GALNTL6: variants seen among roughly 807,000 people sequenced by gnomAD.
The protein encoded by GALNTL6 is polypeptide N-acetylgalactosaminyltransferase-like 6.
GALNTL6 carries 46 observed loss-of-function variants against 73.7 expected under a neutral mutation model. The observed-to-expected ratio is 0.62, with a 90% CI of 0.49 to 0.80. GALNTL6 has a LOEUF of 0.80. GALNTL6 is among the 30% of genes least tolerant of loss of function. The pLI is 0.00. For missense variants in GALNTL6, 604 were observed against 755.0 expected (o/e 0.80, Z 2.34); for synonymous variants, 259 against 263.7 (o/e 0.98, Z 0.17).
intron 7 of GALNTL6, among the ~76,000 whole-genome samples, chr4:172,847,555 T>G (rs1443152117): frequency 2.0e-5 from 3 of 152,102 alleles, no homozygotes; most frequent in Admixed American, 2.0e-4. Flanking sequence ...TTAATCCTAC[T>G]TTTTCTGTTT....
At chr4:172,584,382 A>G (rs1737321693) in intron 5 of GALNTL6, among the ~76,000 whole-genome samples, 1 of 152,194 alleles carries the variant, frequency 6.6e-6, no homozygotes, top group Non-Finnish European at 1.5e-5. Flanking sequence ...TTTATTTAAA[A>G]ACAAAACAAA....
intron 5 of GALNTL6, among the ~76,000 whole-genome samples, chr4:172,656,873 G>A (rs1353019821): frequency 2.0e-5 from 3 of 152,204 alleles, no homozygotes; most frequent in Non-Finnish European, 2.9e-5. Flanking sequence ...TGAATTGCTT[G>A]TAGGAGCAGA....
At chr4:171,986,994 T>TGAGGAACAGGAAAGAAG (rs1740116212) in intron 2 of GALNTL6, among the ~76,000 whole-genome samples, 1 of 151,542 alleles carries the variant, frequency 6.6e-6, no homozygotes, top group Non-Finnish European at 1.5e-5. Flanking sequence ...TTGAGAACGG[T>TGAGGAACAGGAAAGAAG]GAATAGGCGT....
chr4:172,578,077 G>A (rs1737027919), intron 5 of GALNTL6, among the ~76,000 whole-genome samples: 6 of 152,102 alleles, frequency 3.9e-5, no homozygotes, highest in Admixed American at 3.9e-4. Context: ...TTCCAGAAGA[G>A]ACTCATATTG....
intron 2 of GALNTL6, among the ~76,000 whole-genome samples, chr4:172,087,362 G>A (rs1446219182): frequency 6.6e-6 from 1 of 150,568 alleles, no homozygotes; most frequent in South Asian, 2.1e-4. Context: ...GGAGAATGGC[G>A]TGAACCCGGG....
rs796625697 is a variant in GALNTL6, at chr4:172,206,814, G to GTT, written c.139-22840_139-22839dup. Among the ~76,000 whole-genome samples the GTT allele has an allele frequency of 2.9e-4, 17 of 57,992 alleles. 2 individuals are homozygous for GTT. The highest frequency in any genetic ancestry group is 7.9e-4 in the African/African-American group (16 of 20,168). 38.0% of individuals were successfully genotyped at this position (57,992 alleles called of 152,430 possible). ...TTTGTTTTGTTTTTCTGTTTTTTTT[G>GTT]TTTGTTTTTTTTTTTTTTTTTGAGA... On this transcript the variant is annotated intron_variant, in intron 2 of 12. Transcript: ENST00000506823.
At chr4:172,401,781 G>A (rs972946402) in intron 5 of GALNTL6, among the ~76,000 whole-genome samples, 4 of 151,924 alleles carry the variant, frequency 2.6e-5, no homozygotes, top group Non-Finnish European at 4.4e-5. Context: ...CAAACCCACC[G>A]AAATTACAAT....
intron 8 of GALNTL6, among the ~76,000 whole-genome samples, chr4:172,898,114 A>AATT (rs1297120665): frequency 9.3e-4 from 142 of 152,308 alleles, no homozygotes; most frequent in African/African-American, 3.2e-3. Flanking sequence ...AGAGTAGGCC[A>AATT]GATTTTGATC....
At chr4:172,410,029 T>C (rs1470087585) in intron 5 of GALNTL6, among the ~76,000 whole-genome samples, 1 of 152,030 alleles carries the variant, frequency 6.6e-6, no homozygotes, top group Non-Finnish European at 1.5e-5. Context: ...TTACATGTTA[T>C]GCTAATTATT....
intron 3 of GALNTL6, 91 bp downstream of exon 3, chr4:172,229,855 C>T: frequency 2.7e-6 from 2 of 752,080 alleles, no homozygotes; most frequent in South Asian, 1.6e-5. Context: ...ATTTCTTCTG[C>T]ACACTGTAAA....
At chr4:172,215,811 T>C (rs1219876221) in intron 2 of GALNTL6, among the ~76,000 whole-genome samples, 1 of 152,160 alleles carries the variant, frequency 6.6e-6, no homozygotes, top group Non-Finnish European at 1.5e-5. Context: ...CCTTGTGTAG[T>C]TTTAACTATT....
intron 10 of GALNTL6, among the ~76,000 whole-genome samples, chr4:172,986,538 T>C (rs1751295467): frequency 6.6e-6 from 1 of 152,166 alleles, no homozygotes; most frequent in African/African-American, 2.4e-5. Context: ...GAAAGACAAA[T>C]TGGGACACAC....
chr4:172,042,889 AAAG>A (rs1456196036), intron 2 of GALNTL6, among the ~76,000 whole-genome samples: 2 of 150,734 alleles, frequency 1.3e-5, no homozygotes, highest in African/African-American at 4.9e-5. Flanking sequence ...AAAAAAAAAA[AAAG>A]GTAATTATTG....
chr4:172,937,077 T>A (rs1385123569), intron 9 of GALNTL6, among the ~76,000 whole-genome samples: 1 of 151,796 alleles, frequency 6.6e-6, no homozygotes, highest in Non-Finnish European at 1.5e-5. Flanking sequence ...ACGGAGGGTG[T>A]GCGTAGGACC....
chr4:171,942,755 C>G (rs1296013383), intron 2 of GALNTL6, among the ~76,000 whole-genome samples: 1 of 152,170 alleles, frequency 6.6e-6, no homozygotes, highest in Admixed American at 6.6e-5. Flanking sequence ...ATATTGCAGA[C>G]AAGATATAGA....
chr4:171,877,631 GAAA>G, intron 2 of GALNTL6, among the ~76,000 whole-genome samples: 1 of 141,142 alleles, frequency 7.1e-6, no homozygotes, highest in African/African-American at 2.6e-5. Flanking sequence ...TCACTCAAGT[GAAA>G]AAAAAAAAAA....
chr4:172,525,410 T>C (rs1275042844), intron 5 of GALNTL6, among the ~76,000 whole-genome samples: 1 of 152,178 alleles, frequency 6.6e-6, no homozygotes, highest in East Asian at 1.9e-4. Context: ...TAAATTTGTG[T>C]GTAGAGTTCT....
intron 5 of GALNTL6, among the ~76,000 whole-genome samples, chr4:172,604,951 T>A (rs1252962704): frequency 1.3e-5 from 2 of 152,222 alleles, no homozygotes; most frequent in Non-Finnish European, 2.9e-5. Context: ...GTTGCTCTTT[T>A]ATCCCTTTGT....
At position 172,536,595 on chromosome 4, in the gene GALNTL6, C is replaced by T. The variant is rs545781629; in HGVS notation, c.553+187906C>T. Among the ~76,000 whole-genome samples, 8 of 152,220 alleles carry T rather than the reference C, an allele frequency of 5.3e-5. No homozygotes were observed. The South Asian group carries it at 6.2e-4, about 12-fold the overall frequency. On this transcript the variant is annotated intron_variant, in intron 5 of 12. Coordinates refer to ENST00000506823, the MANE Select transcript of GALNTL6 (RefSeq NM_001034845.3). The stretch of plus-strand genomic sequence containing the variant: ...TCTGTGGAACTTTGAACTTGGGAGA[C>T]ATGATTTAGGGTATCTGGCAGAAGA...
Sources: allele counts gnomAD v4.1 joint callset (sites outside exome capture counted in the v4.1 genomes callset), GRCh38; gene constraint gnomAD v4.1.1; transcripts MANE v1.5; gene names NCBI Gene and HGNC (gene_info 2026-07-23, HGNC 2026-07-21).